Variants in TEX10 observed in about 807,000 individuals in gnomAD.
The protein encoded by TEX10 is testis-expressed protein 10.
Under a neutral mutation model 104.4 loss-of-function variants are expected in TEX10, and 24 were observed. The ratio of observed to expected loss-of-function variants is 0.23; its 90% CI spans 0.17 to 0.32. The LOEUF is 0.32. TEX10 is among the 10% of genes least tolerant of loss of function. The probability of loss-of-function intolerance (pLI) is 1.00; values close to 1 mark genes in which losing one functional copy is unlikely to be tolerated. For missense variants in TEX10, 921 were observed against 1,083.9 expected, an observed-to-expected ratio of 0.85 and a Z score of 2.11; for synonymous variants, 396 against 393.4, an observed-to-expected ratio of 1.01 and a Z score of -0.08.
chr9:100,335,298 G>T (rs1834979201), intron 5 of TEX10, among the ~76,000 whole-genome samples: 1 of 152,086 alleles, frequency 6.6e-6, no homozygotes, highest in Admixed American at 6.6e-5. Flanking sequence ...CATCTTCAGG[G>T]ATCAAGCAAT....
chr9:100,314,089 CTT>C (rs58128151), intron 11 of TEX10, among the ~76,000 whole-genome samples: 87 of 121,210 alleles, frequency 7.2e-4, no homozygotes, highest in Admixed American at 1.0e-3. Flanking sequence ...GGAGATTTTT[CTT>C]TTTTTTTTTT....
rs187073935 is a variant in TEX10, at chr9:100,309,425, G to A, written c.2284-744C>T. 5.8e-4 allele frequency among the ~76,000 whole-genome samples: 89 copies of A among 152,300 alleles called. 1 individual carries two copies. Among genetic ancestry groups the A allele is most frequent in the African/African-American group, 2.0e-3 (84 of 41,556 alleles). ...TGTCTTAACCTCCTCCACAGGCTGT[G>A]TGAAAATAGTGGCCAAGACTGACTG... is the stretch of plus-strand genomic sequence containing the variant. On this transcript the variant is annotated intron_variant, in intron 12 of 14. Coordinates refer to ENST00000374902, the MANE Select transcript of TEX10 (RefSeq NM_017746.4).
chr9:100,349,128 A>T, intron 2 of TEX10, 56 bp downstream of exon 2: 1 of 1,420,716 alleles, frequency 7.0e-7, no homozygotes, highest in Non-Finnish European at 9.3e-7. Context: ...AAAATATAAC[A>T]TTCTACACGA....
intron 9 of TEX10, among the ~76,000 whole-genome samples, chr9:100,325,001 AG>A (rs1294537862): frequency 2.6e-5 from 4 of 152,222 alleles, no homozygotes; most frequent in Admixed American, 2.0e-4. Context: ...TGCATATACA[AG>A]GAAGAAATAA....
intron 4 of TEX10, among the ~76,000 whole-genome samples, chr9:100,341,319 T>A (rs569867793): frequency 4.6e-5 from 7 of 152,200 alleles, no homozygotes; most frequent in Non-Finnish European, 8.8e-5. Flanking sequence ...CTCTTCTTCC[T>A]GACTTCTAAA....
At chr9:100,337,662 T>A (rs192758912) in intron 5 of TEX10, among the ~76,000 whole-genome samples, 1 of 152,242 alleles carries the variant, frequency 6.6e-6, no homozygotes, top group East Asian at 1.9e-4. Context: ...AACTCCTGAG[T>A]CAAGAAACGG....
chr9:100,351,978 A>G (rs1462971567), intron 1 of TEX10, among the ~76,000 whole-genome samples: 2 of 151,798 alleles, frequency 1.3e-5, no homozygotes, highest in African/African-American at 4.8e-5. Context: ...GCGATCCCCA[A>G]TAGTTTCAAA....
chr9:100,321,628 A>C (rs1280726803), intron 10 of TEX10, 55 bp downstream of exon 10: 1 of 1,373,064 alleles, frequency 7.3e-7, no homozygotes, highest in East Asian at 2.3e-5. Flanking sequence ...TAGAAGGAGA[A>C]TTGTGATTCA....
intron 14 of TEX10, 127 bp from the exon 15 acceptor site, chr9:100,302,431 T>A: frequency 1.7e-6 from 1 of 579,226 alleles, no homozygotes; most frequent in Non-Finnish European, 3.0e-6. Flanking sequence ...TAAATTACCA[T>A]AGGAAGTCTT....
At chr9:100,324,149 C>G (rs1485882681) in intron 9 of TEX10, among the ~76,000 whole-genome samples, 1 of 152,248 alleles carries the variant, frequency 6.6e-6, no homozygotes, top group East Asian at 1.9e-4. Flanking sequence ...TCTCCTGCCT[C>G]AGCCTCCTGA....
At chr9:100,352,623 T>C in intron 1 of TEX10, 149 bp downstream of exon 1, 1 of 1,467,088 alleles carries the variant, frequency 6.8e-7, no homozygotes, top group South Asian at 1.4e-5. Context: ...CAGGCCCAGC[T>C]CGGAGGGACG....
intron 5 of TEX10, among the ~76,000 whole-genome samples, chr9:100,335,676 C>T (rs78666043): frequency 0.03 from 4,586 of 151,972 alleles, 236 homozygotes; most frequent in African/African-American, 0.1. Context: ...GTTTTACCCA[C>T]CATTGCTTTC....
intron 6 of TEX10, 29 bp downstream of exon 6, chr9:100,329,902 T>TA: frequency 6.4e-7 from 1 of 1,567,992 alleles, no homozygotes; most frequent in Non-Finnish European, 8.7e-7. Context: ...AGCTCCACTC[T>TA]TAAATAAGGG....
chr9:100,343,983 G>A (rs1835238120), intron 4 of TEX10, among the ~76,000 whole-genome samples: 1 of 152,158 alleles, frequency 6.6e-6, no homozygotes, highest in Non-Finnish European at 1.5e-5. Flanking sequence ...TGTATAGAAT[G>A]CTACTAACAA....
intron 9 of TEX10, among the ~76,000 whole-genome samples, chr9:100,322,536 A>C (rs1289461768): frequency 2.6e-5 from 4 of 152,218 alleles, no homozygotes; most frequent in Admixed American, 2.6e-4. Flanking sequence ...ATAAATATCA[A>C]ACAAAATTAG....
intron 7 of TEX10, 43 bp from the exon 8 acceptor site, chr9:100,328,005 A>G (rs1834751988): frequency 7.0e-7 from 1 of 1,420,446 alleles, no homozygotes; most frequent in South Asian, 1.8e-5. Context: ...ACTCAAAGAC[A>G]AGGGAAATAA....
Position 100,312,896 on chromosome 9 carries a change from C to T in TEX10, c.2203-2517G>A, listed in dbSNP as rs542189413. ...GAGGATGTCATTGGCATGACCCTAG[C>T]ATTGTGACCAGAGTCAAACAAAGCC... is the stretch of plus-strand genomic sequence containing the variant. On this transcript the variant is annotated intron_variant, in intron 11 of 14. Coordinates refer to ENST00000374902, the MANE Select transcript of TEX10 (RefSeq NM_017746.4). Among the ~76,000 whole-genome samples, 6 of 152,260 alleles carry T rather than the reference C, an allele frequency of 3.9e-5. No individual in the cohort carries two copies. The South Asian group carries it at 1.2e-3, about 32-fold the overall frequency.
intron 9 of TEX10, among the ~76,000 whole-genome samples, chr9:100,323,034 A>T (rs1291590789): frequency 6.6e-6 from 1 of 152,206 alleles, no homozygotes; most frequent in East Asian, 1.9e-4. Flanking sequence ...AGGGGGTTAT[A>T]AAAAGCACAG....
chr9:100,336,990 TTTC>T (rs998197978), intron 5 of TEX10, among the ~76,000 whole-genome samples: 3 of 152,190 alleles, frequency 2.0e-5, no homozygotes. Flanking sequence ...GTTAATTCCT[TTTC>T]TTTTTTCCCA....
Sources: gnomAD v4.1 joint callset for allele counts (sites outside exome capture counted in the v4.1 genomes callset) on GRCh38, gnomAD v4.1.1 for gene constraint, MANE v1.5 for transcripts, NCBI Gene and HGNC (gene_info 2026-07-23, HGNC 2026-07-21) for gene names.